CEMIP: variants seen among roughly 807,000 people sequenced by gnomAD.
The protein encoded by CEMIP is cell migration-inducing and hyaluronan-binding protein.
Under a neutral mutation model 156.9 loss-of-function variants are expected in CEMIP, and 105 were observed. The observed-to-expected ratio is 0.67, with a 90% CI of 0.57 to 0.79. CEMIP has a LOEUF of 0.79. CEMIP is among the 30% of genes least tolerant of loss of function. CEMIP has a pLI of 0.00. For missense variants in CEMIP, 1,457 were observed against 1,769.4 expected (o/e 0.82, Z 3.17); for synonymous variants, 676 against 668.4 (o/e 1.01, Z -0.17).
intron 1 of CEMIP, among the ~76,000 whole-genome samples, chr15:80,802,644 T>C (rs1355362065): frequency 1.3e-5 from 2 of 152,254 alleles, no homozygotes; most frequent in Non-Finnish European, 2.9e-5. Flanking sequence ...TTTCTCTGTA[T>C]GTTTGAATGA....
At chr15:80,942,806 T>C in intron 27 of CEMIP, 139 bp from the exon 28 acceptor site, 1 of 987,052 alleles carries the variant, frequency 1.0e-6, no homozygotes, top group East Asian at 2.4e-5. Context: ...TACGAGGAGT[T>C]AAGTGGATAA....
At chr15:80,780,825 C>T (rs1039720549) in intron 1 of CEMIP, among the ~76,000 whole-genome samples, 9 of 152,166 alleles carry the variant, frequency 5.9e-5, no homozygotes, top group African/African-American at 1.7e-4. Flanking sequence ...GGTCTGTGGC[C>T]CTGGGTCTCC....
intron 12 of CEMIP, among the ~76,000 whole-genome samples, chr15:80,903,810 G>GC (rs576235290): frequency 7.1e-4 from 108 of 152,166 alleles, no homozygotes; most frequent in Non-Finnish European, 1.4e-3. Context: ...GAAAGATTCT[G>GC]CCCCCCACAC....
At chr15:80,941,733 A>G in intron 25 of CEMIP, 116 bp from the exon 26 acceptor site, 1 of 890,768 alleles carries the variant, frequency 1.1e-6, no homozygotes. Flanking sequence ...TCCATTCTAT[A>G]AGGCCGCTGG....
chr15:80,823,783 C>A (rs778473392), intron 1 of CEMIP, among the ~76,000 whole-genome samples: 6 of 152,146 alleles, frequency 3.9e-5, no homozygotes, highest in Non-Finnish European at 7.4e-5. Context: ...GAAGGCACTT[C>A]CAGAAGGTGA....
At chr15:80,832,112 A>T (rs1216192854) in intron 1 of CEMIP, among the ~76,000 whole-genome samples, 1 of 152,252 alleles carries the variant, frequency 6.6e-6, no homozygotes, top group Non-Finnish European at 1.5e-5. Flanking sequence ...ACCATGCAGG[A>T]AGCACCCTTC....
Position 80,884,260 on chromosome 15 carries a change from G to A in CEMIP, c.703G>A (p.Ala235Thr). The change falls in exon 7 of 30, where the codon GCA (alanine) becomes ACA (threonine). Residue 235 changes from alanine to threonine, a missense_variant. Physicochemically the swap from Ala to Thr is moderately conservative, Grantham distance 58 (BLOSUM62 0). Around this residue, in one of 5 missense-constraint regions of CEMIP, gnomAD observed 309 missense variants for 340.8 expected, o/e 0.91. Transcript: ENST00000394685. ...GCCCGATGGCAGGATCCTTTCTGTT[G>A]CAGTGAATGATGAAGGTTCTCGAAA... The part of the protein sequence containing the change: ...AVPDGRILSV[A>T]VNDEGSRNLD... The A allele has an allele frequency of 6.2e-7, 1 of 1,614,230 alleles. No homozygotes were observed. Among genetic ancestry groups the A allele is most frequent in the Non-Finnish European group, 8.5e-7 (1 of 1,180,040 alleles).
intron 1 of CEMIP, among the ~76,000 whole-genome samples, chr15:80,867,675 C>G (rs983269038): frequency 5.3e-5 from 8 of 152,212 alleles, no homozygotes; most frequent in African/African-American, 1.9e-4. Context: ...CTCAGGGCTG[C>G]TGGAAGTTCC....
At chr15:80,896,716 G>A (rs1899239206) in intron 12 of CEMIP, among the ~76,000 whole-genome samples, 1 of 152,164 alleles carries the variant, frequency 6.6e-6, no homozygotes, top group African/African-American at 2.4e-5. Flanking sequence ...TTCTTAGTAG[G>A]GGGAGTTATG....
chr15:80,823,072 C>T (rs375424574), intron 1 of CEMIP, among the ~76,000 whole-genome samples: 1 of 152,164 alleles, frequency 6.6e-6, no homozygotes, highest in South Asian at 2.1e-4. Flanking sequence ...ACAATAACAA[C>T]AACAACAACA....
In CEMIP at chr15:80,810,460, C is replaced by T. The variant is rs556190503; in HGVS notation, c.-176+30846C>T. The stretch of plus-strand genomic sequence containing the variant: ...TCAGCTCACTGCAAGCTCCGCCTTC[C>T]GGATTCATGCCATTCTCTTGCCTTA... On this transcript the variant is annotated intron_variant, in intron 1 of 29. Coordinates refer to ENST00000394685, the MANE Select transcript of CEMIP (RefSeq NM_001293298.2). Among the ~76,000 whole-genome samples, 10 of 152,294 alleles carry T rather than the reference C, an allele frequency of 6.6e-5. 1 individual carries two copies. The highest frequency in any genetic ancestry group is 2.6e-4 in the Admixed American group (4 of 15,292).
chr15:80,908,069 C>T (rs938901082), intron 13 of CEMIP, among the ~76,000 whole-genome samples: 18 of 152,146 alleles, frequency 1.2e-4, no homozygotes, highest in Admixed American at 9.8e-4. Flanking sequence ...ATGCTAGCAG[C>T]GCTCCCCAGT....
chr15:80,899,913 A>T (rs1037410969), intron 12 of CEMIP, among the ~76,000 whole-genome samples: 9 of 152,340 alleles, frequency 5.9e-5, no homozygotes, highest in South Asian at 2.1e-4. Context: ...CAGGAGTGGC[A>T]TTCAGACCAT....
At chr15:80,841,334 A>C (rs1166444645) in intron 1 of CEMIP, among the ~76,000 whole-genome samples, 1 of 152,162 alleles carries the variant, frequency 6.6e-6, no homozygotes, top group Non-Finnish European at 1.5e-5. Flanking sequence ...GGGCCACCTA[A>C]ACAAAGGGCC....
chr15:80,849,583 G>A (rs539359521), intron 1 of CEMIP, among the ~76,000 whole-genome samples: 6 of 152,206 alleles, frequency 3.9e-5, no homozygotes, highest in East Asian at 1.9e-4. Flanking sequence ...CTTAGGCCCA[G>A]TTCCAGTTAC....
intron 10 of CEMIP, among the ~76,000 whole-genome samples, chr15:80,894,185 T>C (rs970161565): frequency 2.0e-4 from 31 of 152,050 alleles, no homozygotes; most frequent in African/African-American, 6.8e-4. Context: ...CACCATGCGG[T>C]GGGAGGAGGC....
intron 1 of CEMIP, among the ~76,000 whole-genome samples, chr15:80,858,589 G>A (rs1012433037): frequency 6.6e-6 from 1 of 151,818 alleles, no homozygotes; most frequent in African/African-American, 2.4e-5. Flanking sequence ...GCTGGGTGTG[G>A]TGGCACATGC....
chr15:80,930,041 G>A (rs887051986), intron 21 of CEMIP, among the ~76,000 whole-genome samples: 2 of 152,246 alleles, frequency 1.3e-5, no homozygotes, highest in Non-Finnish European at 2.9e-5. Flanking sequence ...CTGAGCCTGT[G>A]AGCAGCATGG....
At chr15:80,851,559 G>C (rs930420736) in intron 1 of CEMIP, among the ~76,000 whole-genome samples, 2 of 152,198 alleles carry the variant, frequency 1.3e-5, no homozygotes, top group Admixed American at 6.5e-5. Context: ...AAGGAAGAAA[G>C]AGTGATTCAT....
Sources: allele counts gnomAD v4.1 joint callset (sites outside exome capture counted in the v4.1 genomes callset), GRCh38; gene constraint gnomAD v4.1.1; regional missense constraint gnomAD v4.1.1; transcripts MANE v1.5; gene names NCBI Gene and HGNC (gene_info 2026-07-23, HGNC 2026-07-21).